Variants in TFDP1 observed in about 807,000 individuals in gnomAD.
The protein encoded by TFDP1 is transcription factor Dp-1, also known as DRTF1-polypeptide 1.
In TFDP1, 6 loss-of-function variants were observed where a neutral mutation model predicts 48.0. The observed-to-expected ratio is 0.13, with a 90% confidence interval of 0.07 to 0.25. The LOEUF (loss-of-function observed/expected upper bound fraction) is 0.25. Ranked by LOEUF, TFDP1 falls within the 10% of genes least tolerant of loss-of-function variation. The probability of loss-of-function intolerance (pLI) is 1.00; values close to 1 mark genes in which losing one functional copy is unlikely to be tolerated. For missense variants in TFDP1, 335 were observed against 543.0 expected, an observed-to-expected ratio of 0.62 and a Z score of 3.81; for synonymous variants, 201 against 211.6, an observed-to-expected ratio of 0.95 and a Z score of 0.44.
intron 2 of TFDP1, among the ~76,000 whole-genome samples, chr13:113,602,881 G>T (rs1466894923): frequency 4.0e-5 from 6 of 151,772 alleles, no homozygotes; most frequent in African/African-American, 1.5e-4. Flanking sequence ...GATGCCAGGG[G>T]TGTCAAATCT....
intron 2 of TFDP1, among the ~76,000 whole-genome samples, chr13:113,593,620 G>T (rs1407478894): frequency 7.2e-6 from 1 of 139,672 alleles, no homozygotes; most frequent in African/African-American, 2.7e-5. Flanking sequence ...CCAGGTGACA[G>T]TTGTGCTGTG....
chr13:113,633,257 C>T lies in TFDP1; in HGVS notation c.446C>T (p.Ala149Val), dbSNP rs199968505. The T allele has an allele frequency of 1.2e-6, 2 of 1,613,914 alleles. No homozygotes were observed. ...ADELVAEFSA[A>V]DNHILPNESA... ...GAGCTGGTTGCGGAGTTCAGTGCTG[C>T]CGACAACCACATCTTACCAAACGAG... Residue 149 changes from alanine (A) to valine (V), a missense_variant, in exon 6 of 12, where the codon GCC becomes GTC. Ala to Val is a moderately conservative substitution (Grantham distance 64, BLOSUM62 0). Coordinates refer to ENST00000375370, the MANE Select transcript of TFDP1 (RefSeq NM_007111.5). This position sits in a 1 kb window ranked among gnomAD's most constrained non-coding sequence, Gnocchi z 4.5.
chr13:113,616,721 C>T (rs532235766), intron 3 of TFDP1, among the ~76,000 whole-genome samples: 7 of 152,270 alleles, frequency 4.6e-5, no homozygotes, highest in Admixed American at 2.0e-4. Context: ...ATTCCTCACT[C>T]GTGACCGTCG....
At chr13:113,591,897 A>G (rs2048155929) in intron 2 of TFDP1, among the ~76,000 whole-genome samples, 1 of 152,180 alleles carries the variant, frequency 6.6e-6, no homozygotes, top group Non-Finnish European at 1.5e-5. Flanking sequence ...TTGTTCGGGT[A>G]CTGGCCATGC....
intron 2 of TFDP1, among the ~76,000 whole-genome samples, chr13:113,591,139 C>T (rs1447444005): frequency 1.3e-5 from 2 of 150,826 alleles, no homozygotes; most frequent in African/African-American, 2.4e-5. Context: ...GTCAGGAGTT[C>T]GAGACCAGTC....
intron 2 of TFDP1, among the ~76,000 whole-genome samples, chr13:113,601,452 C>A (rs1039756176): frequency 6.8e-5 from 10 of 147,050 alleles, no homozygotes; most frequent in Non-Finnish European, 1.2e-4. Context: ...TCAGGGTGAG[C>A]CAGCAAGGTC....
At chr13:113,615,431 C>G (rs926917202) in intron 3 of TFDP1, among the ~76,000 whole-genome samples, 5 of 152,194 alleles carry the variant, frequency 3.3e-5, no homozygotes, top group Non-Finnish European at 7.3e-5. Context: ...CCCATGGCTG[C>G]CTGCACTCTC....
chr13:113,594,352 C>T (rs1033028421), intron 2 of TFDP1, among the ~76,000 whole-genome samples: 2 of 150,816 alleles, frequency 1.3e-5, no homozygotes, highest in Non-Finnish European at 2.9e-5. Context: ...CACGCGTCCT[C>T]AGCTATACAC....
chr13:113,635,948 G>A (rs147392293), intron 8 of TFDP1, 29 bp from the exon 9 acceptor site: 1 of 1,606,424 alleles, frequency 6.2e-7, no homozygotes, highest in African/African-American at 1.3e-5. Context: ...TGCCGCCACG[G>A]GCCACCTGGC....
intron 2 of TFDP1, among the ~76,000 whole-genome samples, chr13:113,610,614 G>C (rs531648172): frequency 6.6e-6 from 1 of 151,984 alleles, no homozygotes; most frequent in East Asian, 2.0e-4. Flanking sequence ...CTGCTTTGTG[G>C]CTGTGCCGTC....
chr13:113,625,787 AGGCGTCTCTCACGTGTCC>A (rs2049149616), intron 4 of TFDP1, among the ~76,000 whole-genome samples: 1 of 112,450 alleles, frequency 8.9e-6, no homozygotes, highest in African/African-American at 3.6e-5. Context: ...ACGTGTCCTC[AGGCGTCTCTCACGTGTCC>A]TCAGGTGTCT....
At chr13:113,595,878 C>T (rs943628765) in intron 2 of TFDP1, among the ~76,000 whole-genome samples, 5 of 152,154 alleles carry the variant, frequency 3.3e-5, no homozygotes, top group Admixed American at 6.5e-5. Context: ...GTCAGGATAT[C>T]GAGACCATCC....
intron 2 of TFDP1, among the ~76,000 whole-genome samples, chr13:113,591,227 A>T (rs1250963981): frequency 2.0e-5 from 3 of 149,184 alleles, no homozygotes; most frequent in African/African-American, 7.4e-5. Flanking sequence ...CTGTAATCCC[A>T]GCTACTCTCG....
In TFDP1 at chr13:113,638,021, G is replaced by T. The variant is rs542570537; in HGVS notation, c.1085+125G>T. 10 of 1,310,810 alleles carry T rather than the reference G, an allele frequency of 7.6e-6. No individual in the cohort carries two copies. In the East Asian group the frequency reaches 2.2e-4, roughly 28 times the overall value. The allele number at this position is 1,310,810 out of a possible 1,614,324, so 81.2% of individuals were successfully genotyped here. A position where few individuals can be genotyped will look rare whatever the true frequency, so the allele number is the denominator to read the frequency against. On this transcript the variant is annotated intron_variant, in intron 11 of 11. Coordinates refer to ENST00000375370, the MANE Select transcript of TFDP1 (RefSeq NM_007111.5). ...GTGGCTGCTCTGACGTGGCTTGTCTGTCCAGGCAGTGGGGCCCCGCTGGCT... is the reference window on the plus strand; with the variant it reads ...GTGGCTGCTCTGACGTGGCTTGTCTTTCCAGGCAGTGGGGCCCCGCTGGCT...
rs1283229085 is a variant in TFDP1 at position 113,634,621 on chromosome 13, G to T, written c.687+19G>T. 6.3e-7 allele frequency: 1 copy of T among 1,581,740 alleles called. No homozygotes were observed. On this transcript the variant is annotated intron_variant, in intron 8 of 11. Coordinates refer to ENST00000375370, the MANE Select transcript of TFDP1 (RefSeq NM_007111.5). ...TCTACAGGTAAGAGAATACGTATCT[G>T]TGGAGGCAGGGTAATTTTTATTTTA...
At chr13:113,603,943 G>A (rs1000396843) in intron 2 of TFDP1, among the ~76,000 whole-genome samples, 3 of 152,046 alleles carry the variant, frequency 2.0e-5, no homozygotes, top group African/African-American at 7.3e-5. Flanking sequence ...GCTTACACCT[G>A]CTTGAGCCCA....
chr13:113,625,654 G>A (rs1594508293), intron 4 of TFDP1, among the ~76,000 whole-genome samples: 4 of 112,274 alleles, frequency 3.6e-5, no homozygotes, highest in Admixed American at 8.9e-5. Context: ...GTCCTCAGGC[G>A]TCTCTCACGT....
chr13:113,631,608 C>T lies in TFDP1; in HGVS notation c.187-15C>T, dbSNP rs772764312. On this transcript the variant is annotated splice_polypyrimidine_tract_variant and intron_variant, in intron 4 of 11. Coordinates refer to ENST00000375370, the MANE Select transcript of TFDP1 (RefSeq NM_007111.5). ...GGAGGGGACTGACTGTCTGAATTGT[C>T]TTTTTCGACTGTAGGTAATTGGTAC... 4 of 1,611,250 alleles carry T rather than the reference C, an allele frequency of 2.5e-6. No individual in the cohort carries two copies. The South Asian group carries it at 4.4e-5, about 18-fold the overall frequency.
At chr13:113,622,587 C>T (rs532110316) in intron 3 of TFDP1, among the ~76,000 whole-genome samples, 25 of 152,300 alleles carry the variant, frequency 1.6e-4, no homozygotes, top group Non-Finnish European at 1.9e-4. Flanking sequence ...TTTTATCCAC[C>T]GCCCTGTCCC....
Sources: allele counts gnomAD v4.1 joint callset (sites outside exome capture counted in the v4.1 genomes callset), GRCh38; gene constraint gnomAD v4.1.1; non-coding constraint Gnocchi (gnomAD v3.1); transcripts MANE v1.5; gene names NCBI Gene and HGNC (gene_info 2026-07-23, HGNC 2026-07-21).